COBLL1: variants seen among roughly 807,000 people sequenced by gnomAD.
COBLL1 encodes the protein cordon-bleu WH2 repeat protein like 1.
Under a neutral mutation model 94.8 loss-of-function variants are expected in COBLL1, and 50 were observed. The ratio of observed to expected loss-of-function variants is 0.53; its 90% confidence interval spans 0.42 to 0.67. COBLL1 has a LOEUF of 0.67. Among genes scored for constraint, COBLL1 ranks in the 30% least tolerant of loss-of-function variants. The pLI is 0.00. For synonymous variants in COBLL1, 448 were observed against 473.8 expected, an observed-to-expected ratio of 0.95 and a Z score of 0.71; for missense variants, 1,362 against 1,348.7, an observed-to-expected ratio of 1.01 and a Z score of -0.15.
At chr2:164,722,336 A>G in intron 6 of COBLL1, 25 bp from the exon 7 acceptor site, 1 of 1,586,716 alleles carries the variant, frequency 6.3e-7, no homozygotes, top group African/African-American at 1.3e-5. Context: ...CAAAGACAAA[A>G]TCTAGTAATT....
intron 2 of COBLL1, chr2:164,773,686 T>C (rs1216485829): frequency 9.5e-7 from 1 of 1,048,186 alleles, no homozygotes. Flanking sequence ...TTTAAAAGTT[T>C]TACACAACGT....
intron 5 of COBLL1, chr2:164,724,147 C>T (rs566560666): frequency 1.9e-4 from 29 of 152,268 alleles, no homozygotes; most frequent in African/African-American, 5.5e-4. Flanking sequence ...ATAGCTGACA[C>T]GGAGAACCTT....
At chr2:164,789,363 T>C (rs1451042562) in intron 2 of COBLL1, among the ~76,000 whole-genome samples, 1 of 152,132 alleles carries the variant, frequency 6.6e-6, no homozygotes, top group African/African-American at 2.4e-5. Flanking sequence ...TTTAGCCAGA[T>C]GGTACCCAAA....
intron 7 of COBLL1, among the ~76,000 whole-genome samples, chr2:164,710,642 G>C (rs904852918): frequency 2.7e-5 from 4 of 149,344 alleles, no homozygotes; most frequent in African/African-American, 7.4e-5. Context: ...TCAGCTCACT[G>C]CAACCTCCGC....
intron 3 of COBLL1, among the ~76,000 whole-genome samples, chr2:164,739,819 CAGT>C (rs1226210458): frequency 6.6e-6 from 1 of 152,144 alleles, no homozygotes; most frequent in African/African-American, 2.4e-5. Context: ...TAACATTTTT[CAGT>C]AGTAGTACAT....
chr2:164,696,380 G>C (rs893562527), intron 11 of COBLL1: 2 of 152,048 alleles, frequency 1.3e-5, no homozygotes, highest in Non-Finnish European at 2.9e-5. Flanking sequence ...TTTAATGAAG[G>C]CCTTAACAGA....
Position 164,695,148 on chromosome 2 carries a change from C to T in COBLL1, c.2244G>A (p.Trp748Ter). Reference sequence around the variant, plus strand: ...CTTTATACTCTATGGTTTCTGATTGCCAGTCTTTCGATATTTCCAAGGATT... The same window carrying T: ...CTTTATACTCTATGGTTTCTGATTGTCAGTCTTTCGATATTTCCAAGGATT... The part of the protein sequence containing the change: ...PPKSLEISKD[W>*]QSETIEYKDD... Residue 748 changes from tryptophan to a stop codon, truncating the protein, a stop_gained, in exon 12 of 14, where the codon TGG becomes TGA. Transcript: ENST00000652658. LOFTEE classifies it high-confidence loss of function. 3 of 1,613,910 alleles carry T rather than the reference C, an allele frequency of 1.9e-6. No individual in the cohort carries two copies. The highest frequency in any genetic ancestry group is 2.5e-6 in the Non-Finnish European group (3 of 1,179,958).
chr2:164,773,454 TAC>T (rs1688306145), intron 2 of COBLL1, among the ~76,000 whole-genome samples: 2 of 152,130 alleles, frequency 1.3e-5, no homozygotes, highest in South Asian at 4.1e-4. Context: ...AACATGTATA[TAC>T]ATTTAATCAT....
chr2:164,722,825 T>C (rs1685524726), intron 5 of COBLL1: 1 of 175,460 alleles, frequency 5.7e-6, no homozygotes, highest in East Asian at 1.5e-4. Context: ...GTTCTGCTTT[T>C]GAAGTATAGA....
intron 7 of COBLL1, among the ~76,000 whole-genome samples, chr2:164,708,507 C>A (rs1473908436): frequency 6.6e-6 from 1 of 152,240 alleles, no homozygotes; most frequent in Admixed American, 6.5e-5. Context: ...AATCTTTCTA[C>A]TGATAATGCC....
At chr2:164,791,929 C>G (rs1683209124) in intron 2 of COBLL1, among the ~76,000 whole-genome samples, 1 of 150,780 alleles carries the variant, frequency 6.6e-6, no homozygotes, top group South Asian at 2.1e-4. Flanking sequence ...AAACTAAAAA[C>G]TGACTGATCA....
chr2:164,672,684 C>A (rs1013551190), intron 1 of COBLL1, among the ~76,000 whole-genome samples: 1 of 120,872 alleles, frequency 8.3e-6, no homozygotes, highest in Non-Finnish European at 1.6e-5. Flanking sequence ...CCGGCCTGGG[C>A]GACAGAGCGA....
At chr2:164,690,633 T>C (rs1683543843) in intron 13 of COBLL1, among the ~76,000 whole-genome samples, 1 of 152,180 alleles carries the variant, frequency 6.6e-6, no homozygotes, top group Non-Finnish European at 1.5e-5. Flanking sequence ...ACTGACCTAG[T>C]ATAAAGGCAT....
chr2:164,823,208 C>T (rs1292582056), intron 2 of COBLL1, among the ~76,000 whole-genome samples: 2 of 152,198 alleles, frequency 1.3e-5, no homozygotes, highest in Admixed American at 6.5e-5. Flanking sequence ...TACATTACTC[C>T]GTAAGTATAA....
intron 2 of COBLL1, among the ~76,000 whole-genome samples, chr2:164,821,851 C>T (rs1032238785): frequency 2.4e-4 from 36 of 152,094 alleles, no homozygotes; most frequent in African/African-American, 7.5e-4. Flanking sequence ...ATTTCAAAAA[C>T]GATGATCCTA....
intron 3 of COBLL1, among the ~76,000 whole-genome samples, chr2:164,730,933 T>G (rs1447357393): frequency 6.6e-6 from 1 of 152,194 alleles, no homozygotes; most frequent in African/African-American, 2.4e-5. Context: ...TTATGAATAT[T>G]CTCTAGGCAC....
chr2:164,769,973 C>T (rs1688129356), intron 2 of COBLL1, among the ~76,000 whole-genome samples: 1 of 152,096 alleles, frequency 6.6e-6, no homozygotes, highest in Non-Finnish European at 1.5e-5. Context: ...AAGAAATGAG[C>T]ACTTTTGAAG....
chr2:164,837,011 G>A (rs1447296871), intron 2 of COBLL1, among the ~76,000 whole-genome samples: 1 of 152,184 alleles, frequency 6.6e-6, no homozygotes, highest in African/African-American at 2.4e-5. Context: ...CATACAATCA[G>A]TGAAACTTTA....
rs534835036 is a variant in COBLL1 at position 164,818,685 on chromosome 2, A to G, written c.41+22471T>C. Among the ~76,000 whole-genome samples the G allele has an allele frequency of 2.4e-4, 35 of 148,266 alleles. No homozygotes were observed. The East Asian group carries it at 6.7e-3, about 28-fold the overall frequency. ...TATATGTACATATGTAAACATATAT[A>G]GTGTATATGTACTTATGTAAACATA... is the stretch of plus-strand genomic sequence containing the variant. On this transcript the variant is annotated intron_variant, in intron 2 of 13. Coordinates refer to ENST00000652658, the MANE Select transcript of COBLL1 (RefSeq NM_001365672.2).
Sources: allele counts gnomAD v4.1 joint callset (sites outside exome capture counted in the v4.1 genomes callset), GRCh38; gene constraint gnomAD v4.1.1; transcripts MANE v1.5; gene names NCBI Gene and HGNC (gene_info 2026-07-23, HGNC 2026-07-21).